The following MACROD2 variants were observed in gnomAD, a reference collection of about 807,000 sequenced individuals.
MACROD2 encodes ADP-ribose glycohydrolase MACROD2.
In MACROD2, 36 loss-of-function variants were observed where a neutral mutation model predicts 70.4. The ratio of observed to expected loss-of-function variants is 0.51; its 90% CI spans 0.39 to 0.68. MACROD2 has a LOEUF of 0.68. MACROD2 is among the 30% of genes least tolerant of loss of function. The pLI, the probability that MACROD2 is intolerant of heterozygous loss-of-function variation, is 0.00. For missense variants in MACROD2, 496 were observed against 538.4 expected, an observed-to-expected ratio of 0.92 and a Z score of 0.78; for synonymous variants, 172 against 178.8, an observed-to-expected ratio of 0.96 and a Z score of 0.30.
intron 4 of MACROD2, among the ~76,000 whole-genome samples, chr20:14,595,007 A>G (rs1048180863): frequency 2.0e-5 from 3 of 152,188 alleles, no homozygotes; most frequent in African/African-American, 7.2e-5. Context: ...GTATAAATAT[A>G]TACATAGAAA....
intron 15 of MACROD2, among the ~76,000 whole-genome samples, chr20:16,040,907 G>T (rs1336889899): frequency 1.3e-5 from 2 of 151,908 alleles, no homozygotes; most frequent in African/African-American, 4.8e-5. Context: ...TTAAACTGTA[G>T]GTTGTTCTGA....
chr20:14,415,615 A>G (rs1335073340), intron 3 of MACROD2, among the ~76,000 whole-genome samples: 1 of 152,130 alleles, frequency 6.6e-6, no homozygotes, highest in East Asian at 1.9e-4. Context: ...TGCAGTGGAG[A>G]TTTACATTCA....
At chr20:15,263,220 C>T (rs918165791) in intron 6 of MACROD2, among the ~76,000 whole-genome samples, 4 of 151,736 alleles carry the variant, frequency 2.6e-5, no homozygotes, top group Non-Finnish European at 4.4e-5. Flanking sequence ...TTTTTGTTTA[C>T]GGTGAGAGAT....
chr20:14,764,577 A>T (rs6079556), intron 5 of MACROD2, among the ~76,000 whole-genome samples: 10 of 151,992 alleles, frequency 6.6e-5, no homozygotes, highest in East Asian at 3.9e-4. Flanking sequence ...AGGACCAGCA[A>T]GTACCTTCAT....
intron 8 of MACROD2, among the ~76,000 whole-genome samples, chr20:15,516,752 C>T (rs1416432631): frequency 6.6e-6 from 1 of 152,138 alleles, no homozygotes. Flanking sequence ...AAATTTGGGG[C>T]AAAGTTTACA....
intron 3 of MACROD2, among the ~76,000 whole-genome samples, chr20:14,168,960 A>G (rs188484695): frequency 6.6e-6 from 1 of 152,332 alleles, no homozygotes; most frequent in Non-Finnish European, 1.5e-5. Context: ...CCTCAATGAA[A>G]TACTAGCTAA....
intron 8 of MACROD2, among the ~76,000 whole-genome samples, chr20:15,638,825 A>G (rs1337158539): frequency 6.6e-6 from 1 of 152,226 alleles, no homozygotes; most frequent in Non-Finnish European, 1.5e-5. Context: ...GATAAAAAGC[A>G]TATGAATTAC....
rs185676436 is a variant in MACROD2 at position 15,430,154 on chromosome 20, G to A, written c.541-1251G>A. ...CCACCTACCATCTTTTCTTTATCCA[G>A]TTCTCCACTGATGGACACTTAGGTT... On this transcript the variant is annotated intron_variant, in intron 6 of 17. Coordinates refer to ENST00000684519, the MANE Select transcript of MACROD2 (RefSeq NM_001351661.2). 3.8e-3 allele frequency among the ~76,000 whole-genome samples: 580 copies of A among 151,786 alleles called. 6 individuals carry two copies. The highest frequency in any genetic ancestry group is 6.0e-3 in the Admixed American group (91 of 15,244).
intron 5 of MACROD2, among the ~76,000 whole-genome samples, chr20:14,787,207 T>G (rs1431397186): frequency 2.0e-5 from 3 of 152,196 alleles, no homozygotes; most frequent in Non-Finnish European, 2.9e-5. Context: ...TTTTAATAAC[T>G]AATTTGAAGC....
chr20:14,721,418 C>A (rs2071468616), intron 5 of MACROD2, among the ~76,000 whole-genome samples: 1 of 151,952 alleles, frequency 6.6e-6, no homozygotes, highest in Non-Finnish European at 1.5e-5. Flanking sequence ...AACCAGAAAA[C>A]CCCCACAAAA....
chr20:14,610,408 T>G (rs1184041261), intron 4 of MACROD2, among the ~76,000 whole-genome samples: 2 of 152,110 alleles, frequency 1.3e-5, no homozygotes, highest in East Asian at 3.9e-4. Flanking sequence ...ATGAATAAAA[T>G]ATTTGTCACT....
At chr20:14,137,164 AAATTT>A (rs1160684494) in intron 3 of MACROD2, among the ~76,000 whole-genome samples, 1 of 152,220 alleles carries the variant, frequency 6.6e-6, no homozygotes, top group Non-Finnish European at 1.5e-5. Flanking sequence ...GGCTCTTTGA[AAATTT>A]AACTACTACT....
At chr20:14,612,644 G>A (rs1337919282) in intron 4 of MACROD2, among the ~76,000 whole-genome samples, 1 of 152,000 alleles carries the variant, frequency 6.6e-6, no homozygotes. Flanking sequence ...CTATAACATT[G>A]TGTTAGTGTG....
At chr20:14,677,476 T>C (rs1365081455) in intron 4 of MACROD2, among the ~76,000 whole-genome samples, 1 of 152,184 alleles carries the variant, frequency 6.6e-6, no homozygotes, top group East Asian at 1.9e-4. Flanking sequence ...TGCTAGATAA[T>C]TGGAGAAAAT....
intron 5 of MACROD2, among the ~76,000 whole-genome samples, chr20:14,989,644 G>A (rs2074882583): frequency 6.6e-6 from 1 of 151,966 alleles, no homozygotes; most frequent in Non-Finnish European, 1.5e-5. Context: ...ACCCATTTTT[G>A]CACTAAATAT....
rs144152407 is a variant in MACROD2, at chr20:15,306,462, A to G, written c.540+76401A>G. Among the ~76,000 whole-genome samples, 542 of 152,296 alleles carry G rather than the reference A, an allele frequency of 3.6e-3. 17 individuals are homozygous for G. In the South Asian group the frequency reaches 0.054, roughly 15 times the overall value. On this transcript the variant is annotated intron_variant, in intron 6 of 17. Coordinates refer to ENST00000684519, the MANE Select transcript of MACROD2 (RefSeq NM_001351661.2). ...AGGCAAATACTATACTATTATGTCAATTTTACAGAAATGTAGACAACTAAT... is the reference window on the plus strand; with the variant it reads ...AGGCAAATACTATACTATTATGTCAGTTTTACAGAAATGTAGACAACTAAT...
chr20:14,317,775 C>T, intron 3 of MACROD2, among the ~76,000 whole-genome samples: 1 of 152,060 alleles, frequency 6.6e-6, no homozygotes, highest in East Asian at 1.9e-4. Context: ...TCTCTATGAC[C>T]TTTCGAAGTC....
At chr20:15,111,798 C>G (rs563353943) in intron 5 of MACROD2, among the ~76,000 whole-genome samples, 3 of 152,342 alleles carry the variant, frequency 2.0e-5, no homozygotes, top group East Asian at 3.9e-4. Context: ...CCAACCCTGG[C>G]AGGGCAGGCC....
intron 5 of MACROD2, among the ~76,000 whole-genome samples, chr20:14,921,661 T>G (rs1316179685): frequency 6.6e-6 from 1 of 152,180 alleles, no homozygotes; most frequent in African/African-American, 2.4e-5. Context: ...AAATAGCATA[T>G]CCAGAATATT....
Sources: allele counts gnomAD v4.1 joint callset (sites outside exome capture counted in the v4.1 genomes callset), GRCh38; gene constraint gnomAD v4.1.1; transcripts MANE v1.5; gene names NCBI Gene and HGNC (gene_info 2026-07-23, HGNC 2026-07-21).